The following CDH12 variants were observed in gnomAD, a reference collection of about 807,000 sequenced individuals.
CDH12 encodes cadherin-12.
In CDH12, 41 loss-of-function variants were observed where a neutral mutation model predicts 74.1. That is an observed-to-expected ratio of 0.55 (90% CI 0.43 to 0.72). The LOEUF (loss-of-function observed/expected upper bound fraction) is 0.72. CDH12 is among the 30% of genes least tolerant of loss of function. The probability of loss-of-function intolerance (pLI) is 0.00; values close to 1 mark genes in which losing one functional copy is unlikely to be tolerated. For synonymous variants in CDH12, 399 were observed against 355.0 expected (o/e 1.12, Z -1.39); for missense variants, 945 against 977.2 (o/e 0.97, Z 0.44).
chr5:22,804,090 G>C (rs1385548943), intron 1 of CDH12, among the ~76,000 whole-genome samples: 1 of 151,978 alleles, frequency 6.6e-6, no homozygotes, highest in East Asian at 1.9e-4. Flanking sequence ...ATATTAAAAG[G>C]TATTTTGTTA....
rs772425182 is a variant in CDH12, at chr5:21,817,137, T to A, written c.815-5A>T. On this transcript the variant is annotated splice_region_variant and splice_polypyrimidine_tract_variant and intron_variant, in intron 8 of 14. Transcript: ENST00000382254. ...GAACTTTCAAGTGGAAGATGCCTGA[T>A]AAGACATATAAAATTTGAATTGACA... 1 of 1,591,984 alleles carries A rather than the reference T, an allele frequency of 6.3e-7. No individual in the cohort carries two copies. The highest frequency in any genetic ancestry group is 1.4e-5 in the African/African-American group (1 of 73,930).
chr5:21,818,392 A>T (rs576001197), intron 8 of CDH12, among the ~76,000 whole-genome samples: 2 of 152,048 alleles, frequency 1.3e-5, no homozygotes, highest in Non-Finnish European at 2.9e-5. Context: ...AAAATCAATC[A>T]CATCTTGTAG....
intron 4 of CDH12, among the ~76,000 whole-genome samples, chr5:22,101,454 G>C (rs573268903): frequency 1.3e-5 from 2 of 151,866 alleles, no homozygotes; most frequent in African/African-American, 4.8e-5. Flanking sequence ...CTTAAGATCT[G>C]GGTCTCAGCA....
At chr5:22,562,198 T>A (rs1739080719) in intron 1 of CDH12, among the ~76,000 whole-genome samples, 2 of 151,632 alleles carry the variant, frequency 1.3e-5, no homozygotes. Context: ...GCGCCTGTAG[T>A]CCCAGCTACT....
intron 1 of CDH12, among the ~76,000 whole-genome samples, chr5:22,668,720 A>C (rs1408557195): frequency 6.6e-6 from 1 of 152,200 alleles, no homozygotes; most frequent in Non-Finnish European, 1.5e-5. Flanking sequence ...CCAACCTCTC[A>C]ATACTGCCAC....
At chr5:22,498,926 C>T (rs1461286442) in intron 2 of CDH12, among the ~76,000 whole-genome samples, 16 of 91,652 alleles carry the variant, frequency 1.7e-4, no homozygotes, top group South Asian at 6.9e-4. Context: ...TTTTTTGTGA[C>T]GTAGTCTTGC....
chr5:21,936,910 G>A (rs1755098377), intron 6 of CDH12, among the ~76,000 whole-genome samples: 1 of 152,156 alleles, frequency 6.6e-6, no homozygotes. Context: ...CTTCCACCAT[G>A]ATTATAAGTT....
At chr5:22,814,332 TA>T (rs1223845059) in intron 1 of CDH12, among the ~76,000 whole-genome samples, 3 of 152,156 alleles carry the variant, frequency 2.0e-5, no homozygotes, top group African/African-American at 7.2e-5. Flanking sequence ...AATTTGAAAC[TA>T]AAATAAAATT....
chr5:22,562,385 T>G (rs1739094658), intron 1 of CDH12, among the ~76,000 whole-genome samples: 1 of 151,876 alleles, frequency 6.6e-6, no homozygotes, highest in African/African-American at 2.4e-5. Context: ...AAAACAAAAC[T>G]GCTAGGAATT....
At chr5:22,611,654 G>T (rs888656207) in intron 1 of CDH12, among the ~76,000 whole-genome samples, 2 of 152,082 alleles carry the variant, frequency 1.3e-5, no homozygotes, top group African/African-American at 4.8e-5. Context: ...TTTATCAAGA[G>T]ATACAGTCTT....
At chr5:22,799,728 T>C (rs926449998) in intron 1 of CDH12, among the ~76,000 whole-genome samples, 2 of 152,178 alleles carry the variant, frequency 1.3e-5, no homozygotes, top group African/African-American at 4.8e-5. Context: ...TGAATACTTA[T>C]TGAACACTTT....
intron 1 of CDH12, among the ~76,000 whole-genome samples, chr5:22,523,113 T>C (rs1485716019): frequency 1.3e-5 from 2 of 152,236 alleles, no homozygotes; most frequent in South Asian, 2.1e-4. Flanking sequence ...TGGCAATTCA[T>C]GTGGTAATTC....
In CDH12 at chr5:22,132,176, A is replaced by G. The variant is rs1309301692; in HGVS notation, c.-186-53314T>C. Among the ~76,000 whole-genome samples, 7 of 151,970 alleles carry G rather than the reference A, an allele frequency of 4.6e-5. 1 individual carries two copies. The highest frequency in any genetic ancestry group is 4.6e-4 in the Admixed American group (7 of 15,234). On this transcript the variant is annotated intron_variant, in intron 4 of 14. Transcript: ENST00000382254. The stretch of plus-strand genomic sequence containing the variant: ...TATATAGATGGAAGGCCTTGATTGG[A>G]AGTGCTACAACCTCCTTCCACTGTT...
chr5:22,112,715 A>G (rs980651799), intron 4 of CDH12, among the ~76,000 whole-genome samples: 1 of 152,158 alleles, frequency 6.6e-6, no homozygotes, highest in South Asian at 2.1e-4. Flanking sequence ...TTTGCTAGCA[A>G]TCTTGTCAGG....
At chr5:22,826,691 A>C (rs13185430) in intron 1 of CDH12, among the ~76,000 whole-genome samples, 49,784 of 152,068 alleles carry the variant, frequency 0.33, 8,797 homozygotes, top group Non-Finnish European at 0.39. Context: ...AACTTTTACT[A>C]TGTTTTAACA....
intron 1 of CDH12, among the ~76,000 whole-genome samples, chr5:22,593,954 T>C (rs976550290): frequency 1.2e-4 from 18 of 152,312 alleles, no homozygotes; most frequent in Middle Eastern, 3.4e-3. Context: ...CTATATATAC[T>C]TGATTTACTA....
At chr5:22,524,441 G>T (rs1318222751) in intron 1 of CDH12, among the ~76,000 whole-genome samples, 1 of 152,082 alleles carries the variant, frequency 6.6e-6, no homozygotes, top group Admixed American at 6.6e-5. Context: ...TGGCAATTAT[G>T]TGTCTCATTG....
chr5:22,103,776 T>A (rs772564272), intron 4 of CDH12, among the ~76,000 whole-genome samples: 29 of 152,348 alleles, frequency 1.9e-4, no homozygotes, highest in Non-Finnish European at 2.2e-4. Context: ...CAGAAAGTTA[T>A]GTTTTCCATT....
At chr5:22,754,582 A>C (rs1361392680) in intron 1 of CDH12, among the ~76,000 whole-genome samples, 1 of 151,260 alleles carries the variant, frequency 6.6e-6, no homozygotes, top group Non-Finnish European at 1.5e-5. Context: ...AAAAAAAAAA[A>C]AAACAACAGC....
Sources: gnomAD v4.1 joint callset for allele counts (sites outside exome capture counted in the v4.1 genomes callset) on GRCh38, gnomAD v4.1.1 for gene constraint, MANE v1.5 for transcripts, NCBI Gene and HGNC (gene_info 2026-07-23, HGNC 2026-07-21) for gene names.